The following PAQR5 variants were observed in gnomAD, a reference collection of about 807,000 sequenced individuals.
PAQR5 encodes progestin and adipoQ receptor family member 5, also known as membrane progestin receptor gamma.
Under a neutral mutation model 34.5 loss-of-function variants are expected in PAQR5, and 20 were observed. That is an observed-to-expected ratio of 0.58 (90% CI 0.41 to 0.84). PAQR5 has a LOEUF of 0.84. PAQR5 is among the 40% of genes least tolerant of loss of function. The pLI is 0.00. For missense variants in PAQR5, 378 were observed against 412.7 expected (o/e 0.92, Z 0.73); for synonymous variants, 131 against 155.6 (o/e 0.84, Z 1.18).
chr15:69,301,716 C>T (rs1473851440), intron 1 of PAQR5, among the ~76,000 whole-genome samples: 1 of 152,076 alleles, frequency 6.6e-6, no homozygotes, highest in African/African-American at 2.4e-5. Flanking sequence ...ATTAGCCTGG[C>T]CTCCCTGGTT....
chr15:69,302,756 C>T (rs1447682996), intron 1 of PAQR5, among the ~76,000 whole-genome samples: 1 of 152,108 alleles, frequency 6.6e-6, no homozygotes, highest in East Asian at 1.9e-4. Context: ...CTGACTGGGG[C>T]TCAAGCCCGT....
At chr15:69,398,807 G>A (rs1013685351) in intron 7 of PAQR5, among the ~76,000 whole-genome samples, 1 of 152,214 alleles carries the variant, frequency 6.6e-6, no homozygotes, top group African/African-American at 2.4e-5. Context: ...CAAGCATCGT[G>A]TGCTTCTGGC....
At chr15:69,353,125 G>T (rs1467776878) in intron 2 of PAQR5, among the ~76,000 whole-genome samples, 1 of 152,160 alleles carries the variant, frequency 6.6e-6, no homozygotes, top group Non-Finnish European at 1.5e-5. Context: ...ACTCACTGAG[G>T]CCAACCTGGC....
chr15:69,319,167 A>ATT (rs1358305481), intron 1 of PAQR5, among the ~76,000 whole-genome samples: 235 of 1,280 alleles, frequency 0.18, 13 homozygotes, highest in South Asian at 0.36. Context: ...ACATATATAT[A>ATT]TATATATATA....
At chr15:69,360,354 C>T (rs550837466) in intron 3 of PAQR5, among the ~76,000 whole-genome samples, 1 of 152,342 alleles carries the variant, frequency 6.6e-6, no homozygotes, top group East Asian at 1.9e-4. Context: ...CCCTTCCTTG[C>T]AACATCTGTG....
At chr15:69,324,129 C>CAAAA (rs55634756) in intron 1 of PAQR5, among the ~76,000 whole-genome samples, 7,711 of 135,158 alleles carry the variant, frequency 0.057, 255 homozygotes, top group Non-Finnish European at 0.084. Context: ...ATAGCTAGGG[C>CAAAA]AAAAAAAAAA....
At chr15:69,395,988 C>T (rs568071239) in intron 6 of PAQR5, among the ~76,000 whole-genome samples, 1 of 151,906 alleles carries the variant, frequency 6.6e-6, no homozygotes, top group South Asian at 2.1e-4. Context: ...CCGGGTGGGC[C>T]ATTTGTGCTC....
chr15:69,360,858 A>C (rs1399867065), intron 3 of PAQR5, among the ~76,000 whole-genome samples: 1 of 152,192 alleles, frequency 6.6e-6, no homozygotes, highest in Non-Finnish European at 1.5e-5. Context: ...GACAGAGTGG[A>C]GGAGAGTTCT....
At chr15:69,316,125 G>A (rs2053941785) in intron 1 of PAQR5, among the ~76,000 whole-genome samples, 1 of 151,974 alleles carries the variant, frequency 6.6e-6, no homozygotes, top group Non-Finnish European at 1.5e-5. Context: ...TCTGTTGCCA[G>A]GTTGCAGTGC....
intron 1 of PAQR5, among the ~76,000 whole-genome samples, chr15:69,326,095 G>A (rs2054244973): frequency 6.6e-6 from 1 of 151,968 alleles, no homozygotes; most frequent in Non-Finnish European, 1.5e-5. Flanking sequence ...TCTGAAAACT[G>A]TCCTGGTTTT....
At chr15:69,358,633 A>ATTTTTTTTTTTT (rs71149910) in intron 2 of PAQR5, among the ~76,000 whole-genome samples, 6,047 of 84,292 alleles carry the variant, frequency 0.072, 896 homozygotes, top group East Asian at 0.13. Context: ...GCTCTGTGGC[A>ATTTTTTTTTTTT]TTTTTTTTTT....
intron 1 of PAQR5, among the ~76,000 whole-genome samples, chr15:69,305,990 A>G (rs2053707899): frequency 6.6e-6 from 1 of 152,148 alleles, no homozygotes; most frequent in Non-Finnish European, 1.5e-5. Flanking sequence ...TGGGGGATTC[A>G]TTCCTTCATT....
Position 69,357,720 on chromosome 15 carries a change from A to C in PAQR5, c.-115-2246A>C, listed in dbSNP as rs191038412. ...GAAAGAAGCATATTTACGACGGTGA[A>C]ATAAACAGATTGTGTTTTGCTGCAT... On this transcript the variant is annotated intron_variant, in intron 2 of 8. Transcript: ENST00000395407. Among the ~76,000 whole-genome samples, 101 of 152,356 alleles carry C rather than the reference A, an allele frequency of 6.6e-4. 1 individual carries two copies. The highest frequency in any genetic ancestry group is 2.4e-3 in the African/African-American group (99 of 41,580).
At position 69,384,544 on chromosome 15, in the gene PAQR5, GTGTTCATCA is replaced by G. The variant is rs1248123442; in HGVS notation, c.180-130_180-122del. The G allele has an allele frequency of 1.0e-3, 235 of 235,188 alleles. 34 individuals carry two copies. Among genetic ancestry groups the G allele is most frequent in the Non-Finnish European group, 1.5e-3 (167 of 108,974 alleles). 14.6% of individuals were successfully genotyped at this position (235,188 alleles called of 1,614,324 possible). Reference sequence around the variant, plus strand: ...ATGGTGGAGGGTGAGTGGGCCCTCCGTGTTCATCATGGAGGGTGAGCGGGCCCTCCGTGT... The same window carrying G: ...ATGGTGGAGGGTGAGTGGGCCCTCCGTGGAGGGTGAGCGGGCCCTCCGTGT... On this transcript the variant is annotated intron_variant, in intron 4 of 8. Coordinates refer to ENST00000395407, the MANE Select transcript of PAQR5 (RefSeq NM_017705.4).
intron 1 of PAQR5, among the ~76,000 whole-genome samples, chr15:69,312,104 G>A (rs1413321609): frequency 1.3e-5 from 2 of 152,266 alleles, no homozygotes; most frequent in South Asian, 2.1e-4. Context: ...ACTGCGGGGT[G>A]CAGGGGAGTG....
At position 69,360,045 on chromosome 15, in the gene PAQR5, G is replaced by A. The variant is rs148670609; in HGVS notation, c.-36G>A. On this transcript the variant is annotated 5_prime_UTR_variant, in exon 3 of 9. Coordinates refer to ENST00000395407, the MANE Select transcript of PAQR5 (RefSeq NM_017705.4). ...GAGTGAGGCCTGGTAACAGGGAGGC[G>A]CTGTCACCTACTGGCCTTGCCAATC... 5,943 of 1,578,270 alleles carry A rather than the reference G, an allele frequency of 3.8e-3. 17 individuals are homozygous for A. Among genetic ancestry groups the A allele is most frequent in the Non-Finnish European group, 4.7e-3 (5,375 of 1,147,938 alleles).
At chr15:69,320,747 A>C (rs1046857596) in intron 1 of PAQR5, among the ~76,000 whole-genome samples, 3 of 152,176 alleles carry the variant, frequency 2.0e-5, no homozygotes, top group African/African-American at 7.2e-5. Flanking sequence ...TCCACCTCAA[A>C]ACCTCAAAAT....
rs2056717910 is a variant in PAQR5, at chr15:69,404,211, C to T, written c.*389C>T. 5.2e-6 allele frequency: 1 copy of T among 191,292 alleles called. No individual in the cohort carries two copies. Among genetic ancestry groups the T allele is most frequent in the Admixed American group, 5.8e-5 (1 of 17,180 alleles). The allele number at this position is 191,292 out of a possible 1,614,324, so 11.8% of individuals were successfully genotyped here. On this transcript the variant is annotated 3_prime_UTR_variant, in exon 9 of 9. Coordinates refer to ENST00000395407, the MANE Select transcript of PAQR5 (RefSeq NM_017705.4). ...TGATGAATTTCATGTCACAAAGCTT[C>T]TCTCAAGAGCTCTCGTAGTGGCCTG...
rs1566985501 is a variant in PAQR5 at position 69,300,655 on chromosome 15, TTTCTTTCTTTCA to T, written c.-277+1608_-277+1619del. 2.6e-4 allele frequency among the ~76,000 whole-genome samples: 7 copies of T among 27,328 alleles called. 1 individual carries two copies. Among genetic ancestry groups the T allele is most frequent in the African/African-American group, 5.3e-4 (6 of 11,256 alleles). The allele number at this position is 27,328 out of a possible 152,430, so 17.9% of individuals were successfully genotyped here. A position where few individuals can be genotyped will look rare whatever the true frequency, so the allele number is the denominator to read the frequency against. ...TTTCTTTCTTTCTTTCTTTCTTTTC[TTTCTTTCTTTCA>T]TTCTTTCTCTTCCTTCCTCCCTCCC... On this transcript the variant is annotated intron_variant, in intron 1 of 8. Transcript: ENST00000395407.
Sources: allele counts gnomAD v4.1 joint callset (sites outside exome capture counted in the v4.1 genomes callset), GRCh38; gene constraint gnomAD v4.1.1; transcripts MANE v1.5; gene names NCBI Gene and HGNC (gene_info 2026-07-23, HGNC 2026-07-21).